The following LTBR variants were observed in gnomAD, a reference collection of about 807,000 sequenced individuals.
LTBR encodes tumor necrosis factor receptor superfamily member 3.
In LTBR, 15 loss-of-function variants were observed where a neutral mutation model predicts 45.4. The observed-to-expected ratio is 0.33, with a 90% CI of 0.22 to 0.51. The LOEUF (loss-of-function observed/expected upper bound fraction) is 0.51. Among genes scored for constraint, LTBR ranks in the 20% least tolerant of loss-of-function variants. LTBR has a pLI of 0.97. For synonymous variants in LTBR, 228 were observed against 231.0 expected (o/e 0.99, Z 0.12); for missense variants, 450 against 565.5 (o/e 0.80, Z 2.07).
chr12:6,383,930 C>T (rs3759336), upstream of LTBR: 117,832 of 830,762 alleles, frequency 0.14, 8,759 homozygotes, highest in Admixed American at 0.3. Flanking sequence ...ACCCCGGGCC[C>T]GCCGCCCTTC....
upstream of LTBR, among the ~76,000 whole-genome samples, chr12:6,382,090 G>T (rs1268979238): frequency 1.3e-5 from 2 of 152,144 alleles, no homozygotes; most frequent in East Asian, 1.9e-4. Context: ...TGTACCTTAC[G>T]GTTTCATTGT....
rs113339765 is a variant in LTBR, at chr12:6,386,661, A to G, written c.667+217A>G. 0.017 allele frequency: 9,297 copies of G among 550,906 alleles called. 110 individuals are homozygous for G. The highest frequency in any genetic ancestry group is 0.023 in the Non-Finnish European group (7,128 of 308,930). 34.1% of individuals were successfully genotyped at this position (550,906 alleles called of 1,614,324 possible). ...CTTTTAAAATTATATATACTGTAAT[A>G]CTATGTCAAGGAACACATCCCACAC... On this transcript the variant is annotated intron_variant, in intron 6 of 9. Transcript: ENST00000228918. This position sits in a 1 kb window ranked among gnomAD's most constrained non-coding sequence, Gnocchi z 4.1.
rs1949077222 is a variant in LTBR, at chr12:6,388,750, A to G, written c.776-50A>G. The stretch of plus-strand genomic sequence containing the variant: ...GCTGGGATGTGGAGGCTGAAAGGCT[A>G]GGTCTGAGGCCTGCCGGGGAGCCTA... On this transcript the variant is annotated intron_variant, in intron 7 of 9. Transcript: ENST00000228918. This position sits in a 1 kb window ranked among gnomAD's most constrained non-coding sequence, Gnocchi z 4.3. 4 of 1,612,336 alleles carry G rather than the reference A, an allele frequency of 2.5e-6. No individual in the cohort carries two copies. Among genetic ancestry groups the G allele is most frequent in the African/African-American group, 1.3e-5 (1 of 74,880 alleles).
rs1339437445 is a variant in LTBR at position 6,386,580 on chromosome 12, A to T, written c.667+136A>T. 1 of 660,194 alleles carries T rather than the reference A, an allele frequency of 1.5e-6. No homozygotes were observed. The highest frequency in any genetic ancestry group is 2.7e-6 in the Non-Finnish European group (1 of 373,174). 40.9% of individuals were successfully genotyped at this position (660,194 alleles called of 1,614,324 possible). A position where few individuals can be genotyped will look rare whatever the true frequency, so the allele number is the denominator to read the frequency against. ...CAAGAAGAAAGTTCCTTACAGAAAAAATTGGAGTATCTCTAGGCTAGTTTA... is the reference window on the plus strand; with the variant it reads ...CAAGAAGAAAGTTCCTTACAGAAAATATTGGAGTATCTCTAGGCTAGTTTA... On this transcript the variant is annotated intron_variant, in intron 6 of 9. Coordinates refer to ENST00000228918, the MANE Select transcript of LTBR (RefSeq NM_002342.3). This position sits in a 1 kb window ranked among gnomAD's most constrained non-coding sequence, Gnocchi z 4.1.
chr12:6,377,170 C>T, intron 1 of LTBR: 4 of 1,203,584 alleles, frequency 3.3e-6, no homozygotes, highest in African/African-American at 1.5e-5. Flanking sequence ...TCTGTGGCTT[C>T]CTCTCTTGCG....
rs557471207 is a variant in LTBR, at chr12:6,390,109, C to T, written c.802-3C>T. ...TGTTTGGGTCTCCATCTCTTTCCTG[C>T]AGGGAGAGGGACCCAATCCTGTAGC... On this transcript the variant is annotated splice_polypyrimidine_tract_variant and splice_region_variant and intron_variant, in intron 8 of 9. Coordinates refer to ENST00000228918, the MANE Select transcript of LTBR (RefSeq NM_002342.3). 5 of 1,607,616 alleles carry T rather than the reference C, an allele frequency of 3.1e-6. No homozygotes were observed. Among genetic ancestry groups the T allele is most frequent in the Non-Finnish European group, 4.3e-6 (5 of 1,174,390 alleles).
chr12:6,379,079 C>T (rs566241228), intron 1 of LTBR, among the ~76,000 whole-genome samples: 49 of 152,290 alleles, frequency 3.2e-4, no homozygotes, highest in Non-Finnish European at 4.4e-4. Flanking sequence ...TCTGCACTTA[C>T]CACTGTTTAC....
At chr12:6,376,554 CAG>C (rs1284460644) in intron 1 of LTBR, among the ~76,000 whole-genome samples, 2 of 152,256 alleles carry the variant, frequency 1.3e-5, no homozygotes, top group African/African-American at 4.8e-5. Flanking sequence ...CACGCCTAGA[CAG>C]GCCCTGGGAG....
rs1949103161 is a variant in LTBR at position 6,390,679 on chromosome 12, C to T, written c.1050C>T (p.Val350=). 1 of 1,496,484 alleles carries T rather than the reference C, an allele frequency of 6.7e-7. No homozygotes were observed. Among genetic ancestry groups the T allele is most frequent in the African/African-American group, 1.4e-5 (1 of 71,452 alleles). The allele number at this position is 1,496,484 out of a possible 1,614,324, so 92.7% of individuals were successfully genotyped here. A position where few individuals can be genotyped will look rare whatever the true frequency, so the allele number is the denominator to read the frequency against. The stretch of plus-strand genomic sequence containing the variant: ...CTACAGGTACCAATGGCATTCATGT[C>T]ACCGGCGGGTCTATGACTATCACTG... ...QVAHGTNGIH[V]TGGSMTITGN... Residue 350 remains valine (V), a synonymous_variant, in exon 10 of 10, where the codon GTC becomes GTT. Transcript: ENST00000228918.
upstream of LTBR, among the ~76,000 whole-genome samples, chr12:6,383,557 G>T (rs1359337315): frequency 6.6e-6 from 1 of 152,136 alleles, no homozygotes; most frequent in Non-Finnish European, 1.5e-5. Context: ...TGGGAGGGAG[G>T]TTCCCTGAGG....
intron 4 of LTBR, 170 bp from the exon 5 acceptor site, chr12:6,385,896 C>G (rs1949039019): frequency 1.9e-6 from 1 of 520,714 alleles, no homozygotes; most frequent in East Asian, 3.2e-5. Context: ...CAGAGCAAGA[C>G]TCCGTCTCAA....
At chr12:6,383,634 G>A (rs1490343695), upstream of LTBR, among the ~76,000 whole-genome samples, 1 of 152,156 alleles carries the variant, frequency 6.6e-6, no homozygotes, top group African/African-American at 2.4e-5. Flanking sequence ...ACTCCTGTGC[G>A]GATTGGGCTG....
At chr12:6,378,876 C>T (rs1359447933) in intron 1 of LTBR, among the ~76,000 whole-genome samples, 6 of 151,812 alleles carry the variant, frequency 4.0e-5, no homozygotes, top group Non-Finnish European at 8.8e-5. Context: ...GGGCTGCCTT[C>T]CCCTCCCAAC....
At chr12:6,383,646 G>T (rs1340162093), upstream of LTBR, among the ~76,000 whole-genome samples, 1 of 152,196 alleles carries the variant, frequency 6.6e-6, no homozygotes, top group Non-Finnish European at 1.5e-5. Flanking sequence ...ATTGGGCTGG[G>T]TTGGTAGCGT....
upstream of LTBR, among the ~76,000 whole-genome samples, chr12:6,382,572 C>G (rs11608700): frequency 6.6e-6 from 1 of 152,248 alleles, no homozygotes; most frequent in Non-Finnish European, 1.5e-5. Flanking sequence ...GCATGCTGTT[C>G]TGATACTTCT....
In LTBR at chr12:6,386,604, T is replaced by TACACACACACACACAC. The variant is rs3075360; in HGVS notation, c.667+177_667+192dup. 3.8e-5 allele frequency: 21 copies of TACACACACACACACAC among 546,646 alleles called. No homozygotes were observed. In the African/African-American group the frequency reaches 4.1e-4, roughly 11 times the overall value. The allele number at this position is 546,646 out of a possible 1,614,324, so 33.9% of individuals were successfully genotyped here. A position where few individuals can be genotyped will look rare whatever the true frequency, so the allele number is the denominator to read the frequency against. On this transcript the variant is annotated intron_variant, in intron 6 of 9. Coordinates refer to ENST00000228918, the MANE Select transcript of LTBR (RefSeq NM_002342.3). This position sits in a 1 kb window ranked among gnomAD's most constrained non-coding sequence, Gnocchi z 4.1. ...AAATTGGAGTATCTCTAGGCTAGTT[T>TACACACACACACACAC]ACACACACACACACACACACACACA...
chr12:6,386,326 T>C lies in LTBR; in HGVS notation c.570-21T>C. On this transcript the variant is annotated intron_variant, in intron 5 of 9. Transcript: ENST00000228918. This position sits in a 1 kb window ranked among gnomAD's most constrained non-coding sequence, Gnocchi z 4.1. ...GGTGGGCCAGGGCGTGAAAAGGTCA[T>C]CATCTTTTTTTCCTCTGCAGGTGTG... 1.2e-6 allele frequency: 2 copies of C among 1,605,558 alleles called. No homozygotes were observed. The highest frequency in any genetic ancestry group is 2.2e-5 in the East Asian group (1 of 44,806).
At chr12:6,375,266 C>T (rs1180634140), upstream of LTBR, 3 of 1,438,892 alleles carry the variant, frequency 2.1e-6, no homozygotes, top group South Asian at 3.0e-5. Flanking sequence ...GGCCTGCCTC[C>T]TCTCTCTAAT....
chr12:6,384,871 T>C (rs1949020827), intron 2 of LTBR, 151 bp from the exon 3 acceptor site: 1 of 1,126,640 alleles, frequency 8.9e-7, no homozygotes, highest in Non-Finnish European at 1.3e-6. Context: ...GCCTCCTCTT[T>C]CCTTACCTCA....
Sources: allele counts gnomAD v4.1 joint callset (sites outside exome capture counted in the v4.1 genomes callset), GRCh38; gene constraint gnomAD v4.1.1; non-coding constraint Gnocchi (gnomAD v3.1); transcripts MANE v1.5; gene names NCBI Gene and HGNC (gene_info 2026-07-23, HGNC 2026-07-21).